LRFN5: variants seen among roughly 807,000 people sequenced by gnomAD.
The protein encoded by LRFN5 is leucine rich repeat and fibronectin type III domain containing 5.
In LRFN5, 24 loss-of-function variants were observed where a neutral mutation model predicts 45.6. The observed-to-expected ratio is 0.53, with a 90% confidence interval of 0.38 to 0.74. LRFN5 has a LOEUF of 0.74. Among genes scored for constraint, LRFN5 ranks in the 30% least tolerant of loss-of-function variants. LRFN5 has a pLI of 0.00. For missense variants in LRFN5, 776 were observed against 861.5 expected (o/e 0.90, Z 1.24); for synonymous variants, 340 against 313.8 (o/e 1.08, Z -0.88).
At chr14:41,806,781 A>G (rs1887540647) in intron 2 of LRFN5, among the ~76,000 whole-genome samples, 1 of 152,174 alleles carries the variant, frequency 6.6e-6, no homozygotes, top group African/African-American at 2.4e-5. Context: ...TACCGTACAC[A>G]GACAGATCTG....
At chr14:41,758,885 G>T (rs1339266376) in intron 1 of LRFN5, among the ~76,000 whole-genome samples, 1 of 151,798 alleles carries the variant, frequency 6.6e-6, no homozygotes, top group Non-Finnish European at 1.5e-5. Flanking sequence ...TTTTCTTTTG[G>T]AAACTTTCTC....
intron 1 of LRFN5, among the ~76,000 whole-genome samples, chr14:41,692,339 A>G (rs1464747591): frequency 6.6e-6 from 1 of 151,826 alleles, no homozygotes; most frequent in Non-Finnish European, 1.5e-5. Context: ...TCCTTTATAG[A>G]TTCTGGATAT....
intron 1 of LRFN5, among the ~76,000 whole-genome samples, chr14:41,710,772 C>T (rs985587440): frequency 1.3e-5 from 2 of 152,016 alleles, no homozygotes; most frequent in African/African-American, 4.8e-5. Context: ...CTCCCCCGTC[C>T]CCCGACCCCA....
chr14:41,779,953 C>A (rs554466711), intron 2 of LRFN5, among the ~76,000 whole-genome samples: 70 of 151,886 alleles, frequency 4.6e-4, no homozygotes, highest in Admixed American at 8.5e-4. Context: ...TTATTTTCTG[C>A]TTTAATTACT....
At chr14:41,801,310 T>C (rs868691235) in intron 2 of LRFN5, among the ~76,000 whole-genome samples, 7 of 152,174 alleles carry the variant, frequency 4.6e-5, no homozygotes, top group Non-Finnish European at 7.4e-5. Flanking sequence ...TTAGATTCTG[T>C]GTATCCAACT....
rs114788630 is a variant in LRFN5, at chr14:41,611,674, C to A, written c.-197+3112C>A. Among the ~76,000 whole-genome samples, 579 of 152,186 alleles carry A rather than the reference C, an allele frequency of 3.8e-3. 4 individuals are homozygous for A. The highest frequency in any genetic ancestry group is 0.013 in the African/African-American group (552 of 41,514). ...TCAAGAGGAGAATGACCTTGAACAC[C>A]AGCCTTCTGTTCTTTCACATACGTC... On this transcript the variant is annotated intron_variant, in intron 1 of 5. Coordinates refer to ENST00000298119, the MANE Select transcript of LRFN5 (RefSeq NM_152447.5).
At chr14:41,753,861 G>A (rs567261954) in intron 1 of LRFN5, among the ~76,000 whole-genome samples, 1 of 152,132 alleles carries the variant, frequency 6.6e-6, no homozygotes, top group Non-Finnish European at 1.5e-5. Flanking sequence ...CAAAGGGAAT[G>A]CTTCCAGTTT....
At chr14:41,802,827 T>G (rs1887384972) in intron 2 of LRFN5, among the ~76,000 whole-genome samples, 1 of 152,122 alleles carries the variant, frequency 6.6e-6, no homozygotes, top group African/African-American at 2.4e-5. Context: ...GTGGGAAGAA[T>G]ATATCTAAGA....
intron 1 of LRFN5, among the ~76,000 whole-genome samples, chr14:41,666,199 G>C (rs571305561): frequency 2.0e-5 from 3 of 151,992 alleles, no homozygotes; most frequent in Non-Finnish European, 4.4e-5. Context: ...AAACTGATGA[G>C]TGATGTGTTT....
chr14:41,775,235 C>T (rs1380225154), intron 2 of LRFN5, among the ~76,000 whole-genome samples: 2 of 151,636 alleles, frequency 1.3e-5, no homozygotes, highest in African/African-American at 4.8e-5. Flanking sequence ...GGACTACAGG[C>T]GCCCACCACC....
chr14:41,757,725 C>G (rs1885469896), intron 1 of LRFN5, among the ~76,000 whole-genome samples: 1 of 152,184 alleles, frequency 6.6e-6, no homozygotes, highest in Non-Finnish European at 1.5e-5. Context: ...GATGCCTTGC[C>G]CTGCTTTGGC....
At chr14:41,832,884 T>C (rs886319539) in intron 2 of LRFN5, among the ~76,000 whole-genome samples, 6 of 152,188 alleles carry the variant, frequency 3.9e-5, no homozygotes, top group Non-Finnish European at 2.9e-5. Flanking sequence ...TTTTCTTTTA[T>C]GTAAGATGTT....
At chr14:41,782,288 G>T (rs1430033516) in intron 2 of LRFN5, among the ~76,000 whole-genome samples, 1 of 151,566 alleles carries the variant, frequency 6.6e-6, no homozygotes, top group Non-Finnish European at 1.5e-5. Context: ...TCTCAAACTT[G>T]TTAAGTCTTT....
At chr14:41,761,315 G>A (rs1395400039) in intron 1 of LRFN5, among the ~76,000 whole-genome samples, 1 of 150,712 alleles carries the variant, frequency 6.6e-6, no homozygotes, top group African/African-American at 2.4e-5. Context: ...AGGGAAGGAA[G>A]AAATGGGGGA....
intron 1 of LRFN5, among the ~76,000 whole-genome samples, chr14:41,677,227 AAATAAAC>A (rs1881673564): frequency 6.6e-6 from 1 of 152,232 alleles, no homozygotes; most frequent in Non-Finnish European, 1.5e-5. Context: ...GTAACTAAAC[AAATAAAC>A]AAAATGGCCA....
intron 1 of LRFN5, among the ~76,000 whole-genome samples, chr14:41,660,076 A>G (rs1196893189): frequency 5.9e-5 from 9 of 152,022 alleles, no homozygotes; most frequent in Non-Finnish European, 2.9e-5. Context: ...CCCAGGCTGG[A>G]ATGCAATGGC....
chr14:41,712,086 C>G (rs2138748838), intron 1 of LRFN5, among the ~76,000 whole-genome samples: 3 of 152,134 alleles, frequency 2.0e-5, no homozygotes, highest in Admixed American at 2.0e-4. Context: ...AATGATACAA[C>G]AAGAAGTGGA....
intron 2 of LRFN5, among the ~76,000 whole-genome samples, chr14:41,772,139 T>C (rs1886112967): frequency 6.6e-6 from 1 of 152,056 alleles, no homozygotes; most frequent in Non-Finnish European, 1.5e-5. Flanking sequence ...GATACATCTT[T>C]TCAAACAACC....
At position 41,699,271 on chromosome 14, in the gene LRFN5, T is replaced by C. The variant is rs538378951; in HGVS notation, c.-196-67583T>C. 2.2e-3 allele frequency among the ~76,000 whole-genome samples: 335 copies of C among 152,260 alleles called. 2 individuals carry two copies. Among genetic ancestry groups the C allele is most frequent in the African/African-American group, 7.3e-3 (304 of 41,564 alleles). On this transcript the variant is annotated intron_variant, in intron 1 of 5. Coordinates refer to ENST00000298119, the MANE Select transcript of LRFN5 (RefSeq NM_152447.5). ...GTTCTAGGTGATGAAATGCTTTTTC[T>C]GTGGGTCCACACTTACCGCAGCAAG...
Sources: gnomAD v4.1 joint callset for allele counts (sites outside exome capture counted in the v4.1 genomes callset) on GRCh38, gnomAD v4.1.1 for gene constraint, MANE v1.5 for transcripts, NCBI Gene and HGNC (gene_info 2026-07-23, HGNC 2026-07-21) for gene names.